The following CDKAL1 variants were observed in gnomAD, a reference collection of about 807,000 sequenced individuals.
CDKAL1 encodes the protein CDKAL1 threonylcarbamoyladenosine tRNA methylthiotransferase.
A neutral mutation model predicts 68.2 loss-of-function variants in CDKAL1; 32 were observed. The observed-to-expected ratio is 0.47, with a 90% confidence interval of 0.35 to 0.63. CDKAL1 has a LOEUF of 0.63. Among genes scored for constraint, CDKAL1 ranks in the 30% least tolerant of loss-of-function variants. The probability of loss-of-function intolerance (pLI) is 0.00; values close to 1 mark genes in which losing one functional copy is unlikely to be tolerated. For synonymous variants in CDKAL1, 234 were observed against 244.3 expected (o/e 0.96, Z 0.39); for missense variants, 606 against 696.7 (o/e 0.87, Z 1.47).
chr6:20,991,849 CTTT>C (rs1766826087), intron 10 of CDKAL1, among the ~76,000 whole-genome samples: 1 of 142,894 alleles, frequency 7.0e-6, no homozygotes, highest in African/African-American at 2.6e-5. Flanking sequence ...GACCCTGTCT[CTTT>C]AAAAAAAAAA....
chr6:20,565,495 G>A (rs189274546), intron 4 of CDKAL1, among the ~76,000 whole-genome samples: 1 of 152,232 alleles, frequency 6.6e-6, no homozygotes, highest in East Asian at 1.9e-4. Context: ...TGGGGGAAGT[G>A]AAGGCACAGT....
intron 6 of CDKAL1, among the ~76,000 whole-genome samples, chr6:20,755,750 A>G (rs988884086): frequency 6.6e-6 from 1 of 152,180 alleles, no homozygotes; most frequent in East Asian, 1.9e-4. Context: ...GACTTGAGAA[A>G]AATTATAGCT....
chr6:21,215,102 G>A (rs1779295809), intron 15 of CDKAL1, among the ~76,000 whole-genome samples: 1 of 152,176 alleles, frequency 6.6e-6, no homozygotes, highest in Non-Finnish European at 1.5e-5. Flanking sequence ...GGGTAGCTCA[G>A]CAGCTCTTCT....
intron 14 of CDKAL1, among the ~76,000 whole-genome samples, chr6:21,199,645 G>A (rs1258817404): frequency 6.6e-6 from 1 of 152,138 alleles, no homozygotes; most frequent in Non-Finnish European, 1.5e-5. Flanking sequence ...TATTAAAACT[G>A]GAGGAGGGGA....
At chr6:20,955,273 G>A (rs1052414427) in intron 9 of CDKAL1, 146 bp from the exon 10 acceptor site, 2 of 735,744 alleles carry the variant, frequency 2.7e-6, no homozygotes, top group Admixed American at 5.3e-5. Context: ...TGGCACCATG[G>A]GATAAGCTGC....
chr6:20,658,031 G>A (rs1176168731), intron 5 of CDKAL1, among the ~76,000 whole-genome samples: 1 of 152,022 alleles, frequency 6.6e-6, no homozygotes, highest in Non-Finnish European at 1.5e-5. Flanking sequence ...AAATAAAAAA[G>A]ATCAAAAGTT....
chr6:20,629,878 A>C (rs1767596782), intron 4 of CDKAL1, among the ~76,000 whole-genome samples: 1 of 151,844 alleles, frequency 6.6e-6, no homozygotes, highest in South Asian at 2.1e-4. Flanking sequence ...TTTTTGAGAT[A>C]GAGTCTTGCC....
chr6:21,187,607 G>A (rs1778065402), intron 13 of CDKAL1, among the ~76,000 whole-genome samples: 1 of 152,072 alleles, frequency 6.6e-6, no homozygotes, highest in Non-Finnish European at 1.5e-5. Context: ...ATGCCTGGTG[G>A]TGTAGCTCAC....
intron 11 of CDKAL1, among the ~76,000 whole-genome samples, chr6:21,038,822 G>T (rs1417401583): frequency 6.6e-6 from 1 of 152,106 alleles, no homozygotes; most frequent in Admixed American, 6.6e-5. Flanking sequence ...GATGACCAGT[G>T]TATAAGGCTT....
chr6:21,205,679 C>T (rs545928468), intron 15 of CDKAL1, among the ~76,000 whole-genome samples: 10 of 150,840 alleles, frequency 6.6e-5, no homozygotes, highest in East Asian at 5.9e-4. Flanking sequence ...CACAGGAACC[C>T]GCCACCACGC....
rs1773957781 is a variant in CDKAL1, at chr6:21,108,390, T to G, written c.1237-11T>G. On this transcript the variant is annotated splice_polypyrimidine_tract_variant and intron_variant, in intron 12 of 15. Transcript: ENST00000274695. ...ATGTTGGTTTTTTGTTTTTTTTGTT[T>G]TTTTTCACAGAAAAAGCAAAGGACA... 1 of 1,600,712 alleles carries G rather than the reference T, an allele frequency of 6.2e-7. No individual in the cohort carries two copies. Among genetic ancestry groups the G allele is most frequent in the African/African-American group, 1.3e-5 (1 of 74,266 alleles).
At chr6:21,028,287 A>G (rs1280308700) in intron 11 of CDKAL1, among the ~76,000 whole-genome samples, 2 of 152,234 alleles carry the variant, frequency 1.3e-5, no homozygotes, top group South Asian at 2.1e-4. Flanking sequence ...TCTTAGAACC[A>G]TATAGACATT....
intron 13 of CDKAL1, among the ~76,000 whole-genome samples, chr6:21,184,531 A>G (rs1365239354): frequency 6.6e-6 from 1 of 152,176 alleles, no homozygotes; most frequent in Non-Finnish European, 1.5e-5. Flanking sequence ...CCACACAGAG[A>G]AAGGCCTTTT....
In CDKAL1 at chr6:21,212,311, A is replaced by G. The variant is rs983954453; in HGVS notation, c.1548+11037A>G. 2.0e-5 allele frequency among the ~76,000 whole-genome samples: 3 copies of G among 152,148 alleles called. No individual in the cohort carries two copies. The East Asian group carries it at 5.8e-4, about 29-fold the overall frequency. ...TCCTCTGTTACTCCAGCTGATGAGGACATTAATATATTCTTCAATGGTTAA... is the reference window on the plus strand; with the variant it reads ...TCCTCTGTTACTCCAGCTGATGAGGGCATTAATATATTCTTCAATGGTTAA... On this transcript the variant is annotated intron_variant, in intron 15 of 15. Coordinates refer to ENST00000274695, the MANE Select transcript of CDKAL1 (RefSeq NM_017774.3).
At chr6:20,639,701 C>T (rs1045433262) in intron 4 of CDKAL1, among the ~76,000 whole-genome samples, 16 of 152,236 alleles carry the variant, frequency 1.1e-4, no homozygotes, top group African/African-American at 3.6e-4. Flanking sequence ...GTTGGAGTCT[C>T]GCTCTGCTGC....
intron 13 of CDKAL1, among the ~76,000 whole-genome samples, chr6:21,130,089 T>C (rs1004692297): frequency 6.6e-6 from 1 of 152,114 alleles, no homozygotes; most frequent in Non-Finnish European, 1.5e-5. Flanking sequence ...TTTTTTGTCA[T>C]TATTTATTTT....
chr6:20,954,510 T>C (rs1764685765), intron 9 of CDKAL1, among the ~76,000 whole-genome samples: 1 of 152,216 alleles, frequency 6.6e-6, no homozygotes, highest in African/African-American at 2.4e-5. Flanking sequence ...ACAGGCTCCC[T>C]TCATTGTTTG....
intron 13 of CDKAL1, among the ~76,000 whole-genome samples, chr6:21,140,958 C>G (rs1399908332): frequency 6.6e-6 from 1 of 152,162 alleles, no homozygotes; most frequent in Non-Finnish European, 1.5e-5. Context: ...GCGGAAACCC[C>G]TGATAAACCC....
At chr6:20,710,050 T>C (rs538554513) in intron 5 of CDKAL1, among the ~76,000 whole-genome samples, 28 of 152,280 alleles carry the variant, frequency 1.8e-4, no homozygotes, top group African/African-American at 6.7e-4. Context: ...CCTTTATAAA[T>C]AAATTTCTAA....
Sources: gnomAD v4.1 joint callset for allele counts (sites outside exome capture counted in the v4.1 genomes callset) on GRCh38, gnomAD v4.1.1 for gene constraint, MANE v1.5 for transcripts, NCBI Gene and HGNC (gene_info 2026-07-23, HGNC 2026-07-21) for gene names.